The following FMNL2 variants were observed in gnomAD, a reference collection of about 807,000 sequenced individuals.
FMNL2 encodes formin like 2.
A neutral mutation model predicts 130.2 loss-of-function variants in FMNL2; 51 were observed. The observed-to-expected ratio is 0.39, with a 90% confidence interval of 0.31 to 0.49. The LOEUF is 0.49. Among genes scored for constraint, FMNL2 ranks in the 20% least tolerant of loss-of-function variants. FMNL2 has a pLI of 0.85. For missense variants in FMNL2, 977 were observed against 1,316.2 expected, an observed-to-expected ratio of 0.74 and a Z score of 3.99; for synonymous variants, 465 against 467.1, an observed-to-expected ratio of 1.00 and a Z score of 0.06.
intron 1 of FMNL2, among the ~76,000 whole-genome samples, chr2:152,340,177 C>G (rs1681718333): frequency 6.6e-6 from 1 of 152,016 alleles, no homozygotes; most frequent in South Asian, 2.1e-4. Flanking sequence ...CAAAGTAAGA[C>G]CAGGTCTCAA....
At chr2:152,395,019 A>G (rs930903911) in intron 1 of FMNL2, among the ~76,000 whole-genome samples, 1 of 152,226 alleles carries the variant, frequency 6.6e-6, no homozygotes, top group Admixed American at 6.5e-5. Flanking sequence ...GACAGCACTA[A>G]GAGTTATTCC....
intron 21 of FMNL2, among the ~76,000 whole-genome samples, chr2:152,635,286 C>T (rs1165694700): frequency 3.3e-5 from 5 of 152,088 alleles, no homozygotes; most frequent in African/African-American, 7.2e-5. Context: ...TTCTGATGGC[C>T]GGCCACTAAG....
chr2:152,421,037 A>G (rs984106992), intron 1 of FMNL2, among the ~76,000 whole-genome samples: 2 of 152,186 alleles, frequency 1.3e-5, no homozygotes, highest in Non-Finnish European at 2.9e-5. Flanking sequence ...TTTTGGAAAC[A>G]CATAATACTG....
chr2:152,389,819 A>G, intron 1 of FMNL2: 1 of 1,277,712 alleles, frequency 7.8e-7, no homozygotes, highest in East Asian at 2.3e-5. Flanking sequence ...GCAGGAGAAG[A>G]GGGGATGGCA....
intron 25 of FMNL2, among the ~76,000 whole-genome samples, chr2:152,642,332 G>A (rs1683165902): frequency 6.6e-6 from 1 of 152,098 alleles, no homozygotes; most frequent in Admixed American, 6.5e-5. Context: ...CTCAAACCCA[G>A]GGAAATTAAA....
At chr2:152,641,465 C>T (rs191426989) in intron 25 of FMNL2, among the ~76,000 whole-genome samples, 40 of 152,338 alleles carry the variant, frequency 2.6e-4, no homozygotes, top group African/African-American at 8.9e-4. Context: ...CCAATTCTCC[C>T]AAATTTCTGT....
intron 1 of FMNL2, among the ~76,000 whole-genome samples, chr2:152,519,464 G>A (rs1198068126): frequency 6.6e-6 from 1 of 152,172 alleles, no homozygotes; most frequent in Non-Finnish European, 1.5e-5. Flanking sequence ...TGCAGAAAAC[G>A]ACAGAGCCTG....
At chr2:152,528,265 A>G (rs894264281) in intron 2 of FMNL2, among the ~76,000 whole-genome samples, 1 of 152,138 alleles carries the variant, frequency 6.6e-6, no homozygotes, top group Non-Finnish European at 1.5e-5. Flanking sequence ...ATGATAGGGT[A>G]ACGAATAGAT....
intron 1 of FMNL2, among the ~76,000 whole-genome samples, chr2:152,367,699 C>T (rs147682133): frequency 7.2e-5 from 11 of 152,258 alleles, no homozygotes; most frequent in African/African-American, 2.4e-4. Context: ...TGACTGAGCA[C>T]GTAGTCCAAA....
At chr2:152,629,768 G>T in intron 19 of FMNL2, 44 bp downstream of exon 19, 1 of 1,603,126 alleles carries the variant, frequency 6.2e-7, no homozygotes, top group Non-Finnish European at 8.5e-7. Context: ...TACTTCAGCT[G>T]CGTTCAGTGC....
chr2:152,595,264 T>G (rs941720350), intron 9 of FMNL2, among the ~76,000 whole-genome samples: 1 of 152,244 alleles, frequency 6.6e-6, no homozygotes, highest in African/African-American at 2.4e-5. Flanking sequence ...AGCACATTGG[T>G]AAAAGATAAT....
chr2:152,414,375 C>T (rs1686486742), intron 1 of FMNL2, among the ~76,000 whole-genome samples: 3 of 152,166 alleles, frequency 2.0e-5, no homozygotes, highest in African/African-American at 7.2e-5. Flanking sequence ...GAATCTCTCT[C>T]ATAGTAGCTC....
At chr2:152,338,048 GT>G (rs1490530431) in intron 1 of FMNL2, among the ~76,000 whole-genome samples, 3 of 149,722 alleles carry the variant, frequency 2.0e-5, no homozygotes, top group African/African-American at 7.4e-5. Context: ...GGAGTTGTGT[GT>G]GTGATAATCT....
chr2:152,525,873 C>T (rs897118552), intron 2 of FMNL2, among the ~76,000 whole-genome samples: 7 of 152,152 alleles, frequency 4.6e-5, no homozygotes, highest in African/African-American at 1.7e-4. Flanking sequence ...TTGTCTTTTT[C>T]AACACAGCTG....
At chr2:152,542,691 G>A (rs1418203501) in intron 2 of FMNL2, 48 bp from the exon 3 acceptor site, 1 of 1,592,360 alleles carries the variant, frequency 6.3e-7, no homozygotes. Flanking sequence ...GGCTGACTGT[G>A]TCATGGCTTC....
chr2:152,500,403 G>T (rs1456062427), intron 1 of FMNL2, among the ~76,000 whole-genome samples: 1 of 152,138 alleles, frequency 6.6e-6, no homozygotes, highest in Non-Finnish European at 1.5e-5. Context: ...TAGCCCCCCA[G>T]CACCTGATTA....
intron 9 of FMNL2, among the ~76,000 whole-genome samples, chr2:152,589,979 A>ATG (rs1188116941): frequency 0.022 from 979 of 44,018 alleles, 8 homozygotes; most frequent in Middle Eastern, 0.044. Context: ...ATATATATAT[A>ATG]TATATGTATA....
At chr2:152,621,454 A>G (rs955343063) in intron 15 of FMNL2, among the ~76,000 whole-genome samples, 30 of 152,164 alleles carry the variant, frequency 2.0e-4, no homozygotes. Flanking sequence ...CAATTGCCTC[A>G]ATATTTTAAG....
At chr2:152,348,275 T>C (rs925527066) in intron 1 of FMNL2, among the ~76,000 whole-genome samples, 3 of 152,252 alleles carry the variant, frequency 2.0e-5, no homozygotes, top group Non-Finnish European at 4.4e-5. Context: ...GCTTTGTAGT[T>C]GCTCATTACA....
Sources: allele counts gnomAD v4.1 joint callset (sites outside exome capture counted in the v4.1 genomes callset), GRCh38; gene constraint gnomAD v4.1.1; transcripts MANE v1.5; gene names NCBI Gene and HGNC (gene_info 2026-07-23, HGNC 2026-07-21).